Variants in ELOVL6 observed in about 807,000 individuals in gnomAD.
The protein encoded by ELOVL6 is very long chain fatty acid elongase 6.
ELOVL6 carries 8 observed loss-of-function variants against 31.7 expected under a neutral mutation model. The observed-to-expected ratio is 0.25, with a 90% CI of 0.15 to 0.45. The LOEUF is 0.45. ELOVL6 is among the 20% of genes least tolerant of loss of function. ELOVL6 has a pLI of 1.00. For synonymous variants in ELOVL6, 101 were observed against 117.7 expected, an observed-to-expected ratio of 0.86 and a Z score of 0.92; for missense variants, 126 against 326.4, an observed-to-expected ratio of 0.39 and a Z score of 4.73.
At chr4:110,101,354 T>C (rs905775643) in intron 2 of ELOVL6, among the ~76,000 whole-genome samples, 36 of 152,112 alleles carry the variant, frequency 2.4e-4, no homozygotes, top group African/African-American at 8.7e-4. Context: ...GAGCATATTT[T>C]TGATGAATGT....
At chr4:110,084,413 A>ATCG (rs1491586912) in intron 2 of ELOVL6, among the ~76,000 whole-genome samples, 1 of 88,240 alleles carries the variant, frequency 1.1e-5, no homozygotes, top group Non-Finnish European at 2.5e-5. Context: ...TATATGACAT[A>ATCG]CATGATATAT....
At chr4:110,192,330 G>A (rs1029391888) in intron 1 of ELOVL6, among the ~76,000 whole-genome samples, 2 of 152,110 alleles carry the variant, frequency 1.3e-5, no homozygotes, top group Admixed American at 6.6e-5. Flanking sequence ...GCACGCAGAA[G>A]GTTACGAGGA....
At chr4:110,174,530 TA>T (rs779667598) in intron 1 of ELOVL6, among the ~76,000 whole-genome samples, 2 of 152,186 alleles carry the variant, frequency 1.3e-5, no homozygotes, top group African/African-American at 2.4e-5. Flanking sequence ...ATACATTTTT[TA>T]AAAAGGTCAA....
At position 110,084,003 on chromosome 4, in the gene ELOVL6, C is replaced by CATATATATAA. The variant is rs1560813451; in HGVS notation, c.221+21493_221+21494insTTATATATAT. On this transcript the variant is annotated intron_variant, in intron 2 of 3. Transcript: ENST00000302274. ...TGCCATATACGATATATAACATATG[C>CATATATATAA]CATATATGGTATATAACATATGCCA... Among the ~76,000 whole-genome samples, 31 of 8,846 alleles carry CATATATATAA rather than the reference C, an allele frequency of 3.5e-3. 2 individuals are homozygous for CATATATATAA. Among genetic ancestry groups the CATATATATAA allele is most frequent in the South Asian group, 0.023 (8 of 342 alleles). 5.8% of individuals were successfully genotyped at this position (8,846 alleles called of 152,430 possible). A position where few individuals can be genotyped will look rare whatever the true frequency, so the allele number is the denominator to read the frequency against.
chr4:110,125,530 A>G (rs979582194), intron 1 of ELOVL6, among the ~76,000 whole-genome samples: 5 of 152,136 alleles, frequency 3.3e-5, no homozygotes, highest in African/African-American at 1.2e-4. Flanking sequence ...TTAGAAAGAT[A>G]GGGATTTAGG....
In ELOVL6 at chr4:110,158,635, G is replaced by GTATATATATATATATA. The variant is rs780807092; in HGVS notation, c.89+39596_89+39611dup. On this transcript the variant is annotated intron_variant, in intron 1 of 3. Transcript: ENST00000302274. ...TATATACACACACATATATACACGT[G>GTATATATATATATATA]TATATATATATATATATATATATTT... Among the ~76,000 whole-genome samples, 44 of 81,562 alleles carry GTATATATATATATATA rather than the reference G, an allele frequency of 5.4e-4. 1 individual carries two copies. Among genetic ancestry groups the GTATATATATATATATA allele is most frequent in the African/African-American group, 1.9e-3 (32 of 17,120 alleles). The allele number at this position is 81,562 out of a possible 152,430, so 53.5% of individuals were successfully genotyped here. A position where few individuals can be genotyped will look rare whatever the true frequency, so the allele number is the denominator to read the frequency against.
At position 110,084,194 on chromosome 4, in the gene ELOVL6, T is replaced by TATATATCACATATATGTGA. The variant is rs1491255162; in HGVS notation, c.221+21302_221+21303insTCACATATATGTGATATAT. 7.2e-4 allele frequency among the ~76,000 whole-genome samples: 55 copies of TATATATCACATATATGTGA among 76,084 alleles called. 8 individuals carry two copies. The highest frequency in any genetic ancestry group is 8.4e-4 in the Non-Finnish European group (36 of 42,760). 49.9% of individuals were successfully genotyped at this position (76,084 alleles called of 152,430 possible). On this transcript the variant is annotated intron_variant, in intron 2 of 3. Coordinates refer to ENST00000302274, the MANE Select transcript of ELOVL6 (RefSeq NM_024090.3). ...ATATATGATATATATAACATATAAC[T>TATATATCACATATATGTGA]TATATGATATATATAACATATAACT... is the stretch of plus-strand genomic sequence containing the variant.
In ELOVL6 at chr4:110,047,338, C is replaced by G. The variant is rs367989075; in HGVS notation, c.*4000G>C. On this transcript the variant is annotated 3_prime_UTR_variant, in exon 4 of 4. Coordinates refer to ENST00000302274, the MANE Select transcript of ELOVL6 (RefSeq NM_024090.3). The stretch of plus-strand genomic sequence containing the variant: ...TCTGTTAAAGAATCATTAAGGAAAC[C>G]AAAAAAAAAAAAAAGCCCTCAGAAT... 90 of 133,142 alleles carry G rather than the reference C, an allele frequency of 6.8e-4. 1 individual carries two copies. The highest frequency in any genetic ancestry group is 2.3e-3 in the African/African-American group (83 of 36,272). 8.2% of individuals were successfully genotyped at this position (133,142 alleles called of 1,614,324 possible).
intron 1 of ELOVL6, among the ~76,000 whole-genome samples, chr4:110,196,254 C>A (rs998490645): frequency 2.0e-5 from 3 of 152,148 alleles, no homozygotes; most frequent in African/African-American, 7.2e-5. Context: ...CGCAGCAAGT[C>A]AGAGATTCGG....
chr4:110,147,802 C>G (rs1261602659), intron 1 of ELOVL6, among the ~76,000 whole-genome samples: 1 of 151,826 alleles, frequency 6.6e-6, no homozygotes, highest in Non-Finnish European at 1.5e-5. Flanking sequence ...CACACACACA[C>G]ACACACACAC....
chr4:110,175,338 C>A (rs1025194627), intron 1 of ELOVL6, among the ~76,000 whole-genome samples: 1 of 151,942 alleles, frequency 6.6e-6, no homozygotes, highest in African/African-American at 2.4e-5. Context: ...GCCAACATTG[C>A]GCTACTGCAC....
chr4:110,098,703 G>C (rs1269354675), intron 2 of ELOVL6, among the ~76,000 whole-genome samples: 7 of 151,934 alleles, frequency 4.6e-5, no homozygotes, highest in Non-Finnish European at 1.0e-4. Context: ...ACACTTCCAG[G>C]ATTATTTCCC....
chr4:110,094,521 A>T (rs987040071), intron 2 of ELOVL6, among the ~76,000 whole-genome samples: 4 of 145,172 alleles, frequency 2.8e-5, no homozygotes, highest in African/African-American at 7.6e-5. Flanking sequence ...ATATATAATT[A>T]AAAAAGAATA....
intron 2 of ELOVL6, among the ~76,000 whole-genome samples, chr4:110,100,914 T>C (rs1340838207): frequency 6.6e-6 from 1 of 152,256 alleles, no homozygotes; most frequent in Non-Finnish European, 1.5e-5. Context: ...GCATGAATTA[T>C]AGTGTAAGAG....
At position 110,059,738 on chromosome 4, in the gene ELOVL6, G is replaced by A; in HGVS notation, c.238C>T (p.Arg80Ter). The A allele has an allele frequency of 6.2e-7, 1 of 1,613,006 alleles. No individual in the cohort carries two copies. The highest frequency in any genetic ancestry group is 8.5e-7 in the Non-Finnish European group (1 of 1,179,586). ...ATGTACACCATATAAGCACCAGTTC[G>A]AAGAGCACCGAATATACTTCATAAT... is the stretch of plus-strand genomic sequence containing the variant. Reference protein sequence around the residue: ...LAVFSIFGALRTGAYMVYILM... With the variant: ...LAVFSIFGAL The change falls in exon 3 of 4, where the codon CGA becomes TGA. Residue 80 changes from arginine (R) to a stop codon, truncating the protein, a stop_gained. Coordinates refer to ENST00000302274, the MANE Select transcript of ELOVL6 (RefSeq NM_024090.3). LOFTEE classifies it high-confidence loss of function.
chr4:110,179,194 T>C (rs1376515326), intron 1 of ELOVL6, among the ~76,000 whole-genome samples: 1 of 152,128 alleles, frequency 6.6e-6, no homozygotes, highest in Non-Finnish European at 1.5e-5. Flanking sequence ...AATACATGTA[T>C]GTAAACTTCA....
At chr4:110,178,531 TGACA>T (rs944917894) in intron 1 of ELOVL6, among the ~76,000 whole-genome samples, 3 of 149,858 alleles carry the variant, frequency 2.0e-5, no homozygotes, top group Non-Finnish European at 4.4e-5. Flanking sequence ...CCAGCCTGAG[TGACA>T]GAGAGTGAGA....
chr4:110,068,867 G>A (rs1391409660), intron 2 of ELOVL6, among the ~76,000 whole-genome samples: 1 of 152,146 alleles, frequency 6.6e-6, no homozygotes, highest in Admixed American at 6.6e-5. Flanking sequence ...AATAGGCTGG[G>A]GTCCATGGCT....
intron 1 of ELOVL6, among the ~76,000 whole-genome samples, chr4:110,195,465 C>T (rs1759745308): frequency 6.6e-6 from 1 of 151,948 alleles, no homozygotes; most frequent in Admixed American, 6.6e-5. Flanking sequence ...TTTGGCTGTA[C>T]AGTTTTTGGG....
Sources: allele counts gnomAD v4.1 joint callset (sites outside exome capture counted in the v4.1 genomes callset), GRCh38; gene constraint gnomAD v4.1.1; transcripts MANE v1.5; gene names NCBI Gene and HGNC (gene_info 2026-07-23, HGNC 2026-07-21).